SH3GL2: variants seen among roughly 807,000 people sequenced by gnomAD.
The protein encoded by SH3GL2 is SH3 domain containing GRB2 like 2, endophilin A1, also known as endophilin-A1.
A neutral mutation model predicts 46.0 loss-of-function variants in SH3GL2; 24 were observed. The observed-to-expected ratio is 0.52, with a 90% confidence interval of 0.38 to 0.73. SH3GL2 has a LOEUF of 0.73. Among genes scored for constraint, SH3GL2 ranks in the 30% least tolerant of loss-of-function variants. The pLI, the probability that SH3GL2 is intolerant of heterozygous loss-of-function variation, is 0.00. For synonymous variants in SH3GL2, 196 were observed against 147.1 expected, an observed-to-expected ratio of 1.33 and a Z score of -2.40; for missense variants, 413 against 424.2, an observed-to-expected ratio of 0.97 and a Z score of 0.23.
chr9:17,606,965 C>CAA (rs1818770868), intron 1 of SH3GL2, among the ~76,000 whole-genome samples: 2 of 152,216 alleles, frequency 1.3e-5, no homozygotes, highest in Admixed American at 1.3e-4. Context: ...CTCCTGTAAA[C>CAA]ACACAGTGAT....
intron 1 of SH3GL2, among the ~76,000 whole-genome samples, chr9:17,675,250 C>T (rs900283731): frequency 2.0e-5 from 3 of 152,150 alleles, no homozygotes; most frequent in African/African-American, 7.2e-5. Flanking sequence ...TCTCATAGCA[C>T]ATACCAGATT....
chr9:17,664,918 T>A (rs1382470038), intron 1 of SH3GL2, among the ~76,000 whole-genome samples: 5 of 152,128 alleles, frequency 3.3e-5, no homozygotes, highest in African/African-American at 9.6e-5. Context: ...GAAAAAAAAA[T>A]TATTTCTTTG....
chr9:17,646,008 C>T (rs548368304), intron 1 of SH3GL2, among the ~76,000 whole-genome samples: 6 of 152,142 alleles, frequency 3.9e-5, no homozygotes, highest in Non-Finnish European at 7.4e-5. Context: ...TTCAGATACA[C>T]CACTCAACCA....
intron 1 of SH3GL2, among the ~76,000 whole-genome samples, chr9:17,664,716 CAT>C (rs1820300559): frequency 5.3e-5 from 8 of 150,916 alleles, no homozygotes; most frequent in Admixed American, 5.3e-4. Context: ...AATATATAAT[CAT>C]ATAGAAAATT....
At position 17,730,622 on chromosome 9, in the gene SH3GL2, G is replaced by A. The variant is rs892620788; in HGVS notation, c.46-16444G>A. Among the ~76,000 whole-genome samples the A allele has an allele frequency of 7.9e-5, 12 of 152,142 alleles. No individual in the cohort carries two copies. The South Asian group carries it at 1.0e-3, about 13-fold the overall frequency. ...TGTCATAAATAGCTCTTATTATTTTGAGATAGGTTCAATCAATACCTGGTT... is the reference window on the plus strand; with the variant it reads ...TGTCATAAATAGCTCTTATTATTTTAAGATAGGTTCAATCAATACCTGGTT... On this transcript the variant is annotated intron_variant, in intron 1 of 8. Coordinates refer to ENST00000380607, the MANE Select transcript of SH3GL2 (RefSeq NM_003026.5).
intron 1 of SH3GL2, among the ~76,000 whole-genome samples, chr9:17,718,207 A>G (rs890844592): frequency 2.0e-5 from 3 of 152,142 alleles, no homozygotes; most frequent in African/African-American, 4.8e-5. Context: ...AGCAGTGACA[A>G]AATTCCAATA....
intron 1 of SH3GL2, among the ~76,000 whole-genome samples, chr9:17,745,326 G>C (rs1006823260): frequency 4.6e-5 from 7 of 152,180 alleles, no homozygotes; most frequent in Non-Finnish European, 2.9e-5. Context: ...AAACTGATGG[G>C]AGAAACTGTG....
intron 3 of SH3GL2, among the ~76,000 whole-genome samples, chr9:17,763,006 T>C (rs776499666): frequency 6.6e-6 from 1 of 152,160 alleles, no homozygotes; most frequent in African/African-American, 2.4e-5. Context: ...TTGTAACTCA[T>C]GGTTGTAGGG....
intron 1 of SH3GL2, among the ~76,000 whole-genome samples, chr9:17,705,308 T>C (rs1287630300): frequency 6.6e-6 from 1 of 152,050 alleles, no homozygotes; most frequent in African/African-American, 2.4e-5. Context: ...TGTAAATTAG[T>C]TTAGCCATTG....
chr9:17,687,227 A>G (rs1022683351), intron 1 of SH3GL2, among the ~76,000 whole-genome samples: 2 of 152,112 alleles, frequency 1.3e-5, no homozygotes, highest in South Asian at 2.1e-4. Context: ...GTTTTTTTCA[A>G]TCCAATTTCA....
chr9:17,782,004 C>A (rs533376439), intron 3 of SH3GL2, among the ~76,000 whole-genome samples: 1 of 152,148 alleles, frequency 6.6e-6, no homozygotes, highest in African/African-American at 2.4e-5. Context: ...CTGCACCTCA[C>A]TTCTTTCAGA....
intron 3 of SH3GL2, among the ~76,000 whole-genome samples, chr9:17,781,816 A>T (rs1381226397): frequency 1.3e-5 from 2 of 152,002 alleles, no homozygotes; most frequent in Admixed American, 1.3e-4. Context: ...CAGAAAGCCC[A>T]GCTCGAGCAT....
chr9:17,693,156 G>A (rs1355244255), intron 1 of SH3GL2, among the ~76,000 whole-genome samples: 2 of 152,222 alleles, frequency 1.3e-5, no homozygotes, highest in South Asian at 2.1e-4. Flanking sequence ...TTGGAAACTT[G>A]CATGTATACT....
intron 2 of SH3GL2, among the ~76,000 whole-genome samples, chr9:17,754,907 G>T (rs772197343): frequency 6.6e-6 from 1 of 152,038 alleles, no homozygotes; most frequent in Non-Finnish European, 1.5e-5. Context: ...GGGTTTTCTG[G>T]ACATAGGATC....
intron 1 of SH3GL2, among the ~76,000 whole-genome samples, chr9:17,587,703 C>G (rs1232468129): frequency 6.6e-6 from 1 of 152,098 alleles, no homozygotes; most frequent in Admixed American, 6.5e-5. Context: ...CATGGTGAAG[C>G]CGCTTCTCTA....
intron 1 of SH3GL2, among the ~76,000 whole-genome samples, chr9:17,632,528 C>A (rs1296433172): frequency 6.6e-6 from 1 of 152,090 alleles, no homozygotes; most frequent in Non-Finnish European, 1.5e-5. Context: ...AATTTAGATT[C>A]CATCCAGTTA....
At chr9:17,792,251 C>G (rs551582970) in intron 7 of SH3GL2, among the ~76,000 whole-genome samples, 1 of 152,266 alleles carries the variant, frequency 6.6e-6, no homozygotes, top group East Asian at 1.9e-4. Flanking sequence ...TTTCCTTCGG[C>G]GCAGCCTTAT....
chr9:17,679,780 CTTA>C (rs1192742294), intron 1 of SH3GL2, among the ~76,000 whole-genome samples: 1 of 152,034 alleles, frequency 6.6e-6, no homozygotes, highest in Non-Finnish European at 1.5e-5. Flanking sequence ...ATAAATAGCT[CTTA>C]TTATTTTGAG....
intron 1 of SH3GL2, among the ~76,000 whole-genome samples, chr9:17,742,872 G>A (rs915150371): frequency 1.3e-5 from 2 of 152,132 alleles, no homozygotes; most frequent in African/African-American, 2.4e-5. Context: ...GGATGATACA[G>A]GGGGACATAT....
Sources: allele counts gnomAD v4.1 joint callset (sites outside exome capture counted in the v4.1 genomes callset), GRCh38; gene constraint gnomAD v4.1.1; transcripts MANE v1.5; gene names NCBI Gene and HGNC (gene_info 2026-07-23, HGNC 2026-07-21).